The following DMRT1 variants were observed in gnomAD, a reference collection of about 807,000 sequenced individuals.
The protein encoded by DMRT1 is doublesex- and mab-3-related transcription factor 1.
A neutral mutation model predicts 32.3 loss-of-function variants in DMRT1; 7 were observed. That is an observed-to-expected ratio of 0.22 (90% CI 0.12 to 0.41). The LOEUF is 0.41. Ranked by LOEUF, DMRT1 falls within the 10% of genes least tolerant of loss-of-function variation. The probability of loss-of-function intolerance (pLI) is 1.00; values close to 1 mark genes in which losing one functional copy is unlikely to be tolerated. For synonymous variants in DMRT1, 278 were observed against 206.1 expected, an observed-to-expected ratio of 1.35 and a Z score of -2.99; for missense variants, 625 against 500.5, an observed-to-expected ratio of 1.25 and a Z score of -2.37.
intron 4 of DMRT1, among the ~76,000 whole-genome samples, chr9:926,882 A>C (rs1183689973): frequency 6.6e-6 from 1 of 152,230 alleles, no homozygotes; most frequent in Non-Finnish European, 1.5e-5. Context: ...AGAGGGACCC[A>C]GCTCTCTTGT....
At chr9:847,232 A>G (rs1339581022) in intron 2 of DMRT1, 89 bp downstream of exon 2, 2 of 1,366,274 alleles carry the variant, frequency 1.5e-6, no homozygotes, top group Admixed American at 1.9e-5. Flanking sequence ...CCCCTGAGCT[A>G]CATACAGTGT....
At chr9:862,095 G>GAT (rs1815730248) in intron 2 of DMRT1, among the ~76,000 whole-genome samples, 1 of 130,526 alleles carries the variant, frequency 7.7e-6, no homozygotes, top group Admixed American at 7.6e-5. Context: ...CTTCCTAGAC[G>GAT]GGGTGGCGGC....
chr9:887,039 T>C (rs7041511), intron 2 of DMRT1, among the ~76,000 whole-genome samples: 1,852 of 152,280 alleles, frequency 0.012, 34 homozygotes, highest in African/African-American at 0.042. Flanking sequence ...ACAATGTAAT[T>C]TATTAGCTGG....
At chr9:933,114 T>C (rs1361446703) in intron 4 of DMRT1, among the ~76,000 whole-genome samples, 2 of 152,282 alleles carry the variant, frequency 1.3e-5, no homozygotes, top group African/African-American at 2.4e-5. Flanking sequence ...GGTTTCACCA[T>C]GTTGGCCAAG....
intron 2 of DMRT1, among the ~76,000 whole-genome samples, chr9:863,479 A>G (rs1050861106): frequency 8.5e-5 from 13 of 152,164 alleles, no homozygotes; most frequent in Non-Finnish European, 1.9e-4. Context: ...CCCCTCAGCC[A>G]AAGAATATGG....
chr9:890,205 C>G (rs1443329955), intron 2 of DMRT1, among the ~76,000 whole-genome samples: 2 of 151,660 alleles, frequency 1.3e-5, no homozygotes, highest in Admixed American at 6.6e-5. Context: ...CCTCAGCCTC[C>G]CAAAGTGCTG....
At chr9:893,788 T>G in intron 2 of DMRT1, 124 bp from the exon 3 acceptor site, 6 of 860,062 alleles carry the variant, frequency 7.0e-6, no homozygotes, top group Non-Finnish European at 1.1e-5. Context: ...AAGCAACAGA[T>G]GGTTTTGTCT....
At chr9:933,058 G>A (rs899146770) in intron 4 of DMRT1, among the ~76,000 whole-genome samples, 5 of 152,020 alleles carry the variant, frequency 3.3e-5, no homozygotes, top group African/African-American at 1.2e-4. Context: ...GATTACAGGT[G>A]CACACCACCA....
chr9:891,514 C>CTT (rs1241203326), intron 2 of DMRT1, among the ~76,000 whole-genome samples: 3 of 137,268 alleles, frequency 2.2e-5, no homozygotes, highest in Non-Finnish European at 1.6e-5. Context: ...GGAGGTTTTA[C>CTT]TTTTTTTTTT....
intron 4 of DMRT1, among the ~76,000 whole-genome samples, chr9:929,739 C>A (rs1433210201): frequency 2.6e-5 from 4 of 152,082 alleles, no homozygotes; most frequent in Admixed American, 2.6e-4. Flanking sequence ...AACAGTGACT[C>A]TTAAAGCTGT....
intron 4 of DMRT1, among the ~76,000 whole-genome samples, chr9:946,766 C>T (rs1027876710): frequency 6.6e-6 from 1 of 152,124 alleles, no homozygotes; most frequent in Admixed American, 6.5e-5. Flanking sequence ...ATTGTGTTTC[C>T]ACTTGGGCTG....
chr9:914,061 C>T lies in DMRT1; in HGVS notation c.823-2702C>T, dbSNP rs141639640. On this transcript the variant is annotated intron_variant, in intron 3 of 4. Coordinates refer to ENST00000382276, the MANE Select transcript of DMRT1 (RefSeq NM_021951.3). The stretch of plus-strand genomic sequence containing the variant: ...ACAGGACCCCCTGGCCATTCATATG[C>T]GCATTGAGAGCTGCTGGGAATCATC... Among the ~76,000 whole-genome samples, 690 of 152,240 alleles carry T rather than the reference C, an allele frequency of 4.5e-3. 7 individuals carry two copies. Among genetic ancestry groups the T allele is most frequent in the Non-Finnish European group, 7.6e-3 (519 of 68,022 alleles).
At chr9:942,458 C>T (rs749239689) in intron 4 of DMRT1, among the ~76,000 whole-genome samples, 15 of 151,928 alleles carry the variant, frequency 9.9e-5, no homozygotes, top group Non-Finnish European at 1.9e-4. Context: ...TATTTTGTAG[C>T]GATGGGGTTT....
At chr9:861,973 C>T (rs911550682) in intron 2 of DMRT1, among the ~76,000 whole-genome samples, 1 of 151,320 alleles carries the variant, frequency 6.6e-6, no homozygotes, top group African/African-American at 2.4e-5. Flanking sequence ...TCCTCACTTC[C>T]TAGACGGGAT....
At chr9:893,148 C>T (rs1304425428) in intron 2 of DMRT1, among the ~76,000 whole-genome samples, 3 of 152,154 alleles carry the variant, frequency 2.0e-5, no homozygotes, top group Non-Finnish European at 2.9e-5. Flanking sequence ...AGCTGGCAGA[C>T]GTTTCAGGCA....
intron 4 of DMRT1, among the ~76,000 whole-genome samples, chr9:918,701 C>G (rs918502353): frequency 2.2e-5 from 3 of 139,148 alleles, no homozygotes; most frequent in Non-Finnish European, 3.1e-5. Flanking sequence ...GTAGGAGGCC[C>G]AAGCTTCAGA....
intron 2 of DMRT1, among the ~76,000 whole-genome samples, chr9:890,436 G>A (rs1489196505): frequency 1.3e-5 from 2 of 152,192 alleles, no homozygotes; most frequent in East Asian, 1.9e-4. Flanking sequence ...ATTTACAGGA[G>A]CCTAGCATAG....
chr9:870,481 C>T (rs1022043247), intron 2 of DMRT1, among the ~76,000 whole-genome samples: 29 of 152,094 alleles, frequency 1.9e-4, no homozygotes, highest in Non-Finnish European at 2.8e-4. Context: ...TGAGTCCGTC[C>T]CGTGACAGCA....
At chr9:926,441 T>C (rs1475286839) in intron 4 of DMRT1, among the ~76,000 whole-genome samples, 1 of 152,200 alleles carries the variant, frequency 6.6e-6, no homozygotes, top group African/African-American at 2.4e-5. Flanking sequence ...GCATCAGCTG[T>C]TAAGTGATTA....
Sources: gnomAD v4.1 joint callset for allele counts (sites outside exome capture counted in the v4.1 genomes callset) on GRCh38, gnomAD v4.1.1 for gene constraint, MANE v1.5 for transcripts, NCBI Gene and HGNC (gene_info 2026-07-23, HGNC 2026-07-21) for gene names.